The following FOXP1 variants were observed in gnomAD, a reference collection of about 807,000 sequenced individuals.
FOXP1 encodes forkhead box P1.
Under a neutral mutation model 98.2 loss-of-function variants are expected in FOXP1, and 15 were observed. The observed-to-expected ratio is 0.15, with a 90% CI of 0.10 to 0.24. The LOEUF (loss-of-function observed/expected upper bound fraction) is 0.24, where lower values mean the gene tolerates loss of function less well. Among genes scored for constraint, FOXP1 ranks in the 10% least tolerant of loss-of-function variants. FOXP1 has a pLI of 1.00. For missense variants in FOXP1, 633 were observed against 848.5 expected (o/e 0.75, Z 3.15); for synonymous variants, 371 against 314.5 (o/e 1.18, Z -1.90).
At chr3:71,170,265 A>G (rs2061585600) in intron 6 of FOXP1, among the ~76,000 whole-genome samples, 1 of 152,200 alleles carries the variant, frequency 6.6e-6, no homozygotes, top group South Asian at 2.1e-4. Flanking sequence ...ACTTAGCGGT[A>G]TATATCACAA....
At chr3:71,328,822 A>G (rs1204570401) in intron 4 of FOXP1, among the ~76,000 whole-genome samples, 1 of 151,714 alleles carries the variant, frequency 6.6e-6, no homozygotes, top group Non-Finnish European at 1.5e-5. Context: ...AAAATACAAA[A>G]TTAGCCGACG....
rs549319187 is a variant in FOXP1 at position 71,001,711 on chromosome 3, C to T, written c.975-652G>A. Among the ~76,000 whole-genome samples the T allele has an allele frequency of 2.6e-5, 4 of 152,244 alleles. 1 individual carries two copies. Among genetic ancestry groups the T allele is most frequent in the African/African-American group, 9.6e-5 (4 of 41,544 alleles). ...GATTCAGGCCACATGCTGAGTATGC[C>T]TGTCTTGTGGTCCTTTTACTATTTA... On this transcript the variant is annotated intron_variant, in intron 12 of 20. Transcript: ENST00000649528.
chr3:71,338,101 T>C (rs1351275431), intron 4 of FOXP1, among the ~76,000 whole-genome samples: 1 of 152,182 alleles, frequency 6.6e-6, no homozygotes, highest in East Asian at 1.9e-4. Flanking sequence ...GCTTATGCTC[T>C]CATAAAATGT....
intron 2 of FOXP1, chr3:71,580,949 G>A: frequency 2.0e-6 from 2 of 985,310 alleles, no homozygotes; most frequent in East Asian, 1.1e-4. Flanking sequence ...CCTGTGAGCA[G>A]ACATGAGCGC....
intron 6 of FOXP1, among the ~76,000 whole-genome samples, chr3:71,148,303 GGAGGCGGAGGTTGCAGT>G (rs917041748): frequency 5.3e-5 from 8 of 152,144 alleles, no homozygotes; most frequent in Non-Finnish European, 1.2e-4. Context: ...CTTGAACCCG[GGAGGCGGAGGTTGCAGT>G]GAGCAGAGAT....
In FOXP1 at chr3:70,955,294, G is replaced by A; in HGVS notation, c.*3953C>T. The A allele has an allele frequency of 4.3e-6, 1 of 232,890 alleles. No homozygotes were observed. 14.4% of individuals were successfully genotyped at this position (232,890 alleles called of 1,614,324 possible). A position where few individuals can be genotyped will look rare whatever the true frequency, so the allele number is the denominator to read the frequency against. On this transcript the variant is annotated 3_prime_UTR_variant, in exon 21 of 21. Transcript: ENST00000649528. ...AAGAATCCAAGGTTTTCTTTACTAG[G>A]TCTGACTGGATGCTGGGGATGGTGT... is the stretch of plus-strand genomic sequence containing the variant.
chr3:71,177,004 A>C (rs971990155), intron 6 of FOXP1, among the ~76,000 whole-genome samples: 3 of 151,880 alleles, frequency 2.0e-5, no homozygotes, highest in Non-Finnish European at 4.4e-5. Flanking sequence ...CGGAGGTTGC[A>C]GTGAGCCGAG....
intron 20 of FOXP1, among the ~76,000 whole-genome samples, chr3:70,960,531 C>T (rs2033127323): frequency 6.6e-6 from 1 of 152,202 alleles, no homozygotes; most frequent in African/African-American, 2.4e-5. Flanking sequence ...CTTTCTGTTG[C>T]AGGGGCTTTT....
At chr3:71,304,878 G>A (rs2074146167) in intron 4 of FOXP1, 1 of 152,124 alleles carries the variant, frequency 6.6e-6, no homozygotes, top group African/African-American at 2.4e-5. Flanking sequence ...GTTGAAAAGA[G>A]TTACTCAAAC....
chr3:71,090,361 A>C (rs2055667070), intron 7 of FOXP1, among the ~76,000 whole-genome samples: 2 of 152,222 alleles, frequency 1.3e-5, no homozygotes, highest in South Asian at 4.1e-4. Context: ...TCATAAGTGC[A>C]GTATGTAATG....
intron 4 of FOXP1, among the ~76,000 whole-genome samples, chr3:71,321,902 G>A (rs1038047113): frequency 2.6e-5 from 4 of 152,182 alleles, no homozygotes; most frequent in African/African-American, 9.7e-5. Context: ...TTACAGGCGT[G>A]AGCCACTGTG....
chr3:71,521,642 C>T (rs933006494), intron 2 of FOXP1, among the ~76,000 whole-genome samples: 15 of 152,238 alleles, frequency 9.9e-5, no homozygotes, highest in Middle Eastern at 6.8e-3. Context: ...AGATTTGTTT[C>T]GCTTGGGCCA....
chr3:71,479,640 T>C (rs185428652), intron 3 of FOXP1, among the ~76,000 whole-genome samples: 25 of 148,356 alleles, frequency 1.7e-4, no homozygotes, highest in Admixed American at 1.3e-3. Flanking sequence ...GATCACACCA[T>C]TGTGCTCCAG....
intron 6 of FOXP1, among the ~76,000 whole-genome samples, chr3:71,179,886 C>T (rs1467601730): frequency 6.6e-6 from 1 of 152,164 alleles, no homozygotes; most frequent in Non-Finnish European, 1.5e-5. Context: ...GTTGAAAATT[C>T]AAAATTATTT....
chr3:71,057,291 C>CT (rs10670020), intron 7 of FOXP1, among the ~76,000 whole-genome samples: 90 of 7,492 alleles, frequency 0.012, 38 homozygotes, highest in Admixed American at 0.024. Context: ...AAAAACGAAA[C>CT]TTTTTTTTTT....
chr3:71,542,704 C>A (rs985517621), intron 2 of FOXP1, among the ~76,000 whole-genome samples: 2 of 152,220 alleles, frequency 1.3e-5, no homozygotes, highest in African/African-American at 4.8e-5. Context: ...GCGAGGCAGG[C>A]AGGCGCAGGC....
chr3:71,439,147 A>T (rs1380069950), intron 3 of FOXP1, among the ~76,000 whole-genome samples: 1 of 152,230 alleles, frequency 6.6e-6, no homozygotes, highest in Admixed American at 6.5e-5. Flanking sequence ...ACAGATGCAG[A>T]GCTCGGGCAG....
chr3:71,120,634 A>T (rs1239372138), intron 6 of FOXP1, among the ~76,000 whole-genome samples: 1 of 152,210 alleles, frequency 6.6e-6, no homozygotes, highest in Non-Finnish European at 1.5e-5. Context: ...CTCTTTGGTC[A>T]TCATTGTCCT....
At chr3:71,241,696 C>T (rs560915348) in intron 5 of FOXP1, among the ~76,000 whole-genome samples, 1 of 152,300 alleles carries the variant, frequency 6.6e-6, no homozygotes, top group Non-Finnish European at 1.5e-5. Context: ...AATTTACTGG[C>T]ATGTACAGTA....
Sources: allele counts gnomAD v4.1 joint callset (sites outside exome capture counted in the v4.1 genomes callset), GRCh38; gene constraint gnomAD v4.1.1; transcripts MANE v1.5; gene names NCBI Gene and HGNC (gene_info 2026-07-23, HGNC 2026-07-21).